Variants in EML6 observed in about 807,000 individuals in gnomAD.
EML6 encodes the protein echinoderm microtubule-associated protein-like 6.
Under a neutral mutation model 240.1 loss-of-function variants are expected in EML6, and 154 were observed. The ratio of observed to expected loss-of-function variants is 0.64; its 90% CI spans 0.56 to 0.73. The LOEUF (loss-of-function observed/expected upper bound fraction) is 0.73, where lower values mean the gene tolerates loss of function less well. Ranked by LOEUF, EML6 falls within the 30% of genes least tolerant of loss-of-function variation. EML6 has a pLI of 0.00. For missense variants in EML6, 2,964 were observed against 2,474.6 expected, an observed-to-expected ratio of 1.20 and a Z score of -4.20; for synonymous variants, 1,148 against 899.0, an observed-to-expected ratio of 1.28 and a Z score of -4.95.
chr2:54,927,765 C>G (rs2104385928), intron 26 of EML6, among the ~76,000 whole-genome samples: 1 of 152,322 alleles, frequency 6.6e-6, no homozygotes, highest in South Asian at 2.1e-4. Context: ...AGGAGCTTTG[C>G]TTTAAATCAA....
chr2:54,843,964 T>TTTTGTG (rs1553394555), intron 7 of EML6, 83 bp from the exon 8 acceptor site: 25 of 658,712 alleles, frequency 3.8e-5, no homozygotes, highest in African/African-American at 1.2e-4. Flanking sequence ...CTTTAGGGTT[T>TTTTGTG]TGTGTGTGTG....
At chr2:54,842,153 AATG>A (rs2103663600) in intron 7 of EML6, among the ~76,000 whole-genome samples, 1 of 152,244 alleles carries the variant, frequency 6.6e-6, no homozygotes, top group South Asian at 2.1e-4. Flanking sequence ...ACAAATGTGT[AATG>A]ACATGTCTCC....
At chr2:54,910,683 C>G (rs116574626) in intron 24 of EML6, among the ~76,000 whole-genome samples, 52,168 of 151,810 alleles carry the variant, frequency 0.34, 9,474 homozygotes, top group South Asian at 0.53. Flanking sequence ...TGCAGCATAT[C>G]AATAAAACAT....
In EML6 at chr2:54,903,041, T is replaced by C. The variant is rs2104221386; in HGVS notation, c.3125-3T>C. 1 of 1,549,908 alleles carries C rather than the reference T, an allele frequency of 6.5e-7. No homozygotes were observed. Among genetic ancestry groups the C allele is most frequent in the East Asian group, 2.4e-5 (1 of 40,916 alleles). Reference sequence around the variant, plus strand: ...TAAGTGTTTTTTGTGGATTCTTCTGTAGGTGGAAGATGCTGTGCCTTTTCC... The same window carrying C: ...TAAGTGTTTTTTGTGGATTCTTCTGCAGGTGGAAGATGCTGTGCCTTTTCC... On this transcript the variant is annotated splice_region_variant and splice_polypyrimidine_tract_variant and intron_variant, in intron 22 of 41. Transcript: ENST00000356458.
chr2:54,785,910 G>A (rs778276976), intron 2 of EML6, among the ~76,000 whole-genome samples: 12 of 151,710 alleles, frequency 7.9e-5, no homozygotes, highest in East Asian at 1.9e-4. Context: ...AGCTTGTGTC[G>A]TCTAAGGATC....
chr2:54,844,001 TG>T, intron 7 of EML6, 45 bp from the exon 8 acceptor site: 19 of 1,200,200 alleles, frequency 1.6e-5, no homozygotes, highest in Non-Finnish European at 2.3e-5. Flanking sequence ...TGTGTGTGTG[TG>T]TGAATAGTGT....
intron 20 of EML6, 28 bp from the exon 21 acceptor site, chr2:54,895,245 G>A (rs1257269435): frequency 1.3e-6 from 2 of 1,550,410 alleles, no homozygotes; most frequent in Middle Eastern, 1.7e-4. Context: ...TTTTGTTATT[G>A]TGTTAAATAT....
intron 5 of EML6, among the ~76,000 whole-genome samples, chr2:54,820,807 A>T (rs1201226007): frequency 6.6e-6 from 1 of 152,186 alleles, no homozygotes; most frequent in African/African-American, 2.4e-5. Flanking sequence ...CATTATAATG[A>T]ATATTTACAT....
chr2:54,962,343 A>G (rs572170575), intron 35 of EML6, among the ~76,000 whole-genome samples, 180 bp from the exon 36 acceptor site: 12 of 152,150 alleles, frequency 7.9e-5, no homozygotes, highest in East Asian at 5.8e-4. Context: ...CATCCACAGA[A>G]CTTTTCTTGC....
intron 7 of EML6, 27 bp from the exon 8 acceptor site, chr2:54,844,020 T>C: frequency 6.8e-7 from 1 of 1,473,626 alleles, no homozygotes. Flanking sequence ...TGTGAAGATT[T>C]GCTTTTGTTT....
At chr2:54,872,793 C>T (rs539107602) in intron 16 of EML6, among the ~76,000 whole-genome samples, 3 of 152,322 alleles carry the variant, frequency 2.0e-5, no homozygotes, top group Non-Finnish European at 2.9e-5. Context: ...CAAGTCCTCC[C>T]GCCCTTTAAG....
intron 7 of EML6, among the ~76,000 whole-genome samples, chr2:54,834,650 ATATT>A (rs1465289054): frequency 6.6e-6 from 1 of 152,160 alleles, no homozygotes; most frequent in Non-Finnish European, 1.5e-5. Context: ...CTACCAACAC[ATATT>A]TATTGAGTTG....
rs6731581 is a variant in EML6, at chr2:54,830,348, G to T, written c.847+871G>T. On this transcript the variant is annotated intron_variant, in intron 7 of 41. Coordinates refer to ENST00000356458, the MANE Select transcript of EML6 (RefSeq NM_001039753.4). The stretch of plus-strand genomic sequence containing the variant: ...GCCACAGACCCTGCGCCAAGGGAGG[G>T]GTACATGGTACTGTGAGCCATGGGG... 7.6e-3 allele frequency among the ~76,000 whole-genome samples: 1,162 copies of T among 152,262 alleles called. 12 individuals are homozygous for T. Among genetic ancestry groups the T allele is most frequent in the African/African-American group, 0.027 (1,108 of 41,538 alleles).
rs114127640 is a variant in EML6 at position 54,770,936 on chromosome 2, G to C, written c.198-42296G>C. ...TGGATGTAGTAATCATCTTCATGTT[G>C]GTGAATGGTTGTACCATGTACTGAA... On this transcript the variant is annotated intron_variant, in intron 2 of 41. Coordinates refer to ENST00000356458, the MANE Select transcript of EML6 (RefSeq NM_001039753.4). Among the ~76,000 whole-genome samples, 913 of 152,166 alleles carry C rather than the reference G, an allele frequency of 6.0e-3. 3 individuals are homozygous for C. The highest frequency in any genetic ancestry group is 0.021 in the African/African-American group (882 of 41,500).
At chr2:54,870,962 T>G (rs551475749) in intron 15 of EML6, among the ~76,000 whole-genome samples, 3 of 152,232 alleles carry the variant, frequency 2.0e-5, no homozygotes, top group African/African-American at 7.2e-5. Flanking sequence ...TTTTCTTTGT[T>G]GTTGGGGATT....
intron 32 of EML6, among the ~76,000 whole-genome samples, chr2:54,955,301 T>C (rs901280143): frequency 1.3e-5 from 2 of 152,152 alleles, no homozygotes; most frequent in African/African-American, 4.8e-5. Flanking sequence ...GAGAGCATCT[T>C]GGAGTGGGAA....
intron 16 of EML6, 124 bp from the exon 17 acceptor site, chr2:54,879,423 A>C (rs1355658812): frequency 1.5e-6 from 1 of 663,108 alleles, no homozygotes; most frequent in Non-Finnish European, 2.7e-6. Context: ...CAGGGCAGCT[A>C]TCACATCCAT....
chr2:54,816,275 T>A (rs1668078704), intron 3 of EML6, among the ~76,000 whole-genome samples: 1 of 152,214 alleles, frequency 6.6e-6, no homozygotes, highest in Non-Finnish European at 1.5e-5. Context: ...AGTACCAGAT[T>A]ACTTCTACTT....
chr2:54,892,588 G>C lies in EML6; in HGVS notation c.2674G>C (p.Asp892His), dbSNP rs1449382788. 2.6e-6 allele frequency: 4 copies of C among 1,551,776 alleles called. No individual in the cohort carries two copies. In the Admixed American group the frequency reaches 7.8e-5, roughly 30 times the overall value. The change falls in exon 19 of 42, where the codon GAC (aspartate) becomes CAC (histidine). Residue 892 changes from aspartate (D) to histidine (H), a missense_variant. Coordinates refer to ENST00000356458, the MANE Select transcript of EML6 (RefSeq NM_001039753.4). The part of the protein sequence containing the change: ...AATGDIFIWK[D>H]ILLLKTVKAH... ...TACTGGAGATATTTTTATTTGGAAA[G>C]ACATTCTACTACTGAAGACAGTGAA...
Sources: allele counts gnomAD v4.1 joint callset (sites outside exome capture counted in the v4.1 genomes callset), GRCh38; gene constraint gnomAD v4.1.1; transcripts MANE v1.5; gene names NCBI Gene and HGNC (gene_info 2026-07-23, HGNC 2026-07-21).